Variants in ST7 observed in about 807,000 individuals in gnomAD.
The protein encoded by ST7 is suppression of tumorigenicity 7.
ST7 carries 28 observed loss-of-function variants against 78.7 expected under a neutral mutation model. That is an observed-to-expected ratio of 0.36 (90% CI 0.26 to 0.49). ST7 has a LOEUF of 0.49. ST7 is among the 20% of genes least tolerant of loss of function. The pLI is 0.99. For synonymous variants in ST7, 247 were observed against 249.6 expected (o/e 0.99, Z 0.10); for missense variants, 418 against 696.0 (o/e 0.60, Z 4.49).
At chr7:117,223,252 A>G in intron 15 of ST7, 1 of 429,074 alleles carries the variant, frequency 2.3e-6, no homozygotes, top group African/African-American at 2.0e-5. Flanking sequence ...TCTTGCCTGA[A>G]CTCCTGCCAT....
At chr7:117,205,382 GT>G (rs982252892) in intron 12 of ST7, among the ~76,000 whole-genome samples, 1 of 150,940 alleles carries the variant, frequency 6.6e-6, no homozygotes, top group Non-Finnish European at 1.5e-5. Flanking sequence ...TAATGTACCT[GT>G]TTTTTTTCAC....
chr7:117,044,257 A>G (rs1486867093), intron 1 of ST7, among the ~76,000 whole-genome samples: 1 of 152,198 alleles, frequency 6.6e-6, no homozygotes, highest in Non-Finnish European at 1.5e-5. Context: ...TTTCCAACAA[A>G]ACAAATTTGT....
rs981974060 is a variant in ST7 at position 117,031,228 on chromosome 7, A to C, written c.152-68534A>C. On this transcript the variant is annotated intron_variant, in intron 1 of 15. Coordinates refer to ENST00000323984, the MANE Select transcript of ST7 (RefSeq NM_001369598.1). ...GGAGGGAGAGGTTCAGAAAAAAAAA[A>C]CCCACAAAAAACTTTTGGGTACTGC... Among the ~76,000 whole-genome samples the C allele has an allele frequency of 4.0e-5, 6 of 151,854 alleles. No homozygotes were observed. In the South Asian group the frequency reaches 6.2e-4, roughly 16 times the overall value.
intron 7 of ST7, among the ~76,000 whole-genome samples, chr7:117,135,212 A>G (rs1413100684): frequency 2.0e-5 from 3 of 152,006 alleles, no homozygotes; most frequent in Non-Finnish European, 4.4e-5. Context: ...ATGCTTTGGA[A>G]GGTTTAAATT....
At chr7:117,128,894 A>C (rs998111909) in intron 3 of ST7, among the ~76,000 whole-genome samples, 1 of 152,032 alleles carries the variant, frequency 6.6e-6, no homozygotes, top group South Asian at 2.1e-4. Flanking sequence ...TGCTGGTTGC[A>C]CACGCACATA....
intron 10 of ST7, among the ~76,000 whole-genome samples, chr7:117,172,070 C>T (rs1390727437): frequency 6.6e-6 from 1 of 152,032 alleles, no homozygotes; most frequent in East Asian, 1.9e-4. Context: ...CCTGCTTCAG[C>T]CTCCCAAGTG....
chr7:117,145,298 T>A (rs1469510971), intron 9 of ST7: 2 of 152,174 alleles, frequency 1.3e-5, no homozygotes, highest in African/African-American at 4.8e-5. Context: ...AAACCAGACC[T>A]GTGACTAGTT....
rs1309996068 is a variant in ST7, at chr7:117,031,517, T to C, written c.152-68245T>C. 1.8e-3 allele frequency among the ~76,000 whole-genome samples: 101 copies of C among 56,780 alleles called. 40 individuals are homozygous for C. Among genetic ancestry groups the C allele is most frequent in the African/African-American group, 9.2e-3 (90 of 9,734 alleles). 37.2% of individuals were successfully genotyped at this position (56,780 alleles called of 152,430 possible). ...ATATATGCATATATGTGTGTATATG[T>C]GCATATATATGCATATATGTGTGTA... On this transcript the variant is annotated intron_variant, in intron 1 of 15. Coordinates refer to ENST00000323984, the MANE Select transcript of ST7 (RefSeq NM_001369598.1).
intron 1 of ST7, among the ~76,000 whole-genome samples, chr7:116,998,219 C>G (rs921651063): frequency 1.3e-5 from 2 of 152,334 alleles, no homozygotes; most frequent in Admixed American, 1.3e-4. Context: ...CCCGGCGCAC[C>G]CTCTGCAGCT....
At chr7:117,081,228 A>G (rs1799749001) in intron 1 of ST7, among the ~76,000 whole-genome samples, 1 of 152,176 alleles carries the variant, frequency 6.6e-6, no homozygotes. Flanking sequence ...AGAAACTGTA[A>G]TAGCTACTGT....
intron 2 of ST7, among the ~76,000 whole-genome samples, chr7:117,105,695 C>G (rs1342551629): frequency 6.6e-6 from 1 of 152,118 alleles, no homozygotes; most frequent in African/African-American, 2.4e-5. Flanking sequence ...TCAGAATAGT[C>G]AGAAGAGAAT....
chr7:117,079,354 G>GAA (rs1247307516), intron 1 of ST7, among the ~76,000 whole-genome samples: 2 of 152,180 alleles, frequency 1.3e-5, no homozygotes, highest in Non-Finnish European at 2.9e-5. Flanking sequence ...CCTAGAACCA[G>GAA]TCCTCCATGG....
intron 10 of ST7, among the ~76,000 whole-genome samples, chr7:117,176,161 G>A (rs936453294): frequency 4.6e-5 from 7 of 152,134 alleles, no homozygotes; most frequent in African/African-American, 1.4e-4. Context: ...TATTTACTCC[G>A]TTAAGTCATT....
intron 3 of ST7, among the ~76,000 whole-genome samples, chr7:117,124,676 A>C (rs1423427585): frequency 6.6e-6 from 1 of 152,058 alleles, no homozygotes; most frequent in Admixed American, 6.6e-5. Context: ...TGTGGTCCTA[A>C]TCTTCTGTGT....
intron 9 of ST7, among the ~76,000 whole-genome samples, chr7:117,160,498 C>T (rs923896211): frequency 1.3e-5 from 2 of 151,828 alleles, no homozygotes; most frequent in African/African-American, 4.8e-5. Context: ...TGGTGCTGCT[C>T]TTGACTTCTA....
At position 117,220,401 on chromosome 7, in the gene ST7, G is replaced by A. The variant is rs999013654; in HGVS notation, c.1498+1225G>A. 4.6e-5 allele frequency among the ~76,000 whole-genome samples: 7 copies of A among 152,188 alleles called. No homozygotes were observed. The East Asian group carries it at 5.8e-4, about 13-fold the overall frequency. On this transcript the variant is annotated intron_variant, in intron 14 of 15. Coordinates refer to ENST00000323984, the MANE Select transcript of ST7 (RefSeq NM_001369598.1). Reference sequence around the variant, plus strand: ...AGATTTGATTTCAGAAATCCTCACCGTGGGCCCATAGTTTACCTTTCAACT... The same window carrying A: ...AGATTTGATTTCAGAAATCCTCACCATGGGCCCATAGTTTACCTTTCAACT...
intron 1 of ST7, among the ~76,000 whole-genome samples, chr7:117,048,059 A>G (rs1034483273): frequency 6.6e-6 from 1 of 152,254 alleles, no homozygotes; most frequent in Non-Finnish European, 1.5e-5. Flanking sequence ...TTCTCATAAT[A>G]AGAAAATCAT....
chr7:117,202,643 C>G (rs1169418949), intron 12 of ST7, among the ~76,000 whole-genome samples: 2 of 152,198 alleles, frequency 1.3e-5, no homozygotes, highest in Non-Finnish European at 2.9e-5. Context: ...CTTTTTAAGA[C>G]TTTGCTAATT....
At chr7:116,980,866 A>G (rs925778679) in intron 1 of ST7, among the ~76,000 whole-genome samples, 1 of 152,250 alleles carries the variant, frequency 6.6e-6, no homozygotes, top group Non-Finnish European at 1.5e-5. Flanking sequence ...AAATTGGTAC[A>G]GTGACACCAT....
Sources: allele counts gnomAD v4.1 joint callset (sites outside exome capture counted in the v4.1 genomes callset), GRCh38; gene constraint gnomAD v4.1.1; transcripts MANE v1.5; gene names NCBI Gene and HGNC (gene_info 2026-07-23, HGNC 2026-07-21).